Variants in RANBP2 observed in about 807,000 individuals in gnomAD.
RANBP2 encodes the protein E3 SUMO-protein ligase RanBP2.
Under a neutral mutation model 303.6 loss-of-function variants are expected in RANBP2, and 57 were observed. That is an observed-to-expected ratio of 0.19 (90% CI 0.15 to 0.23). The LOEUF (loss-of-function observed/expected upper bound fraction) is 0.23, where lower values mean the gene tolerates loss of function less well. RANBP2 is among the 10% of genes least tolerant of loss of function. The pLI is 1.00. For missense variants in RANBP2, 3,138 were observed against 3,780.8 expected (o/e 0.83, Z 4.46); for synonymous variants, 1,167 against 1,301.5 (o/e 0.90, Z 2.23).
the RANBP2 span, among the ~76,000 whole-genome samples, chr2:109,339,042 C>T: frequency 6.6e-6 from 1 of 152,156 alleles, no homozygotes; most frequent in Non-Finnish European, 1.5e-5. Flanking sequence ...AATGTATTTA[C>T]TACTCATTAA....
chr2:109,325,731 G>A, the RANBP2 span, among the ~76,000 whole-genome samples: 2 of 152,134 alleles, frequency 1.3e-5, no homozygotes, highest in African/African-American at 2.4e-5. Context: ...CATGTTCCTT[G>A]GAATGTCCTG....
chr2:109,710,644 G>T, the RANBP2 span, among the ~76,000 whole-genome samples: 4 of 152,162 alleles, frequency 2.6e-5, no homozygotes, highest in African/African-American at 9.7e-5. Context: ...AAGGTCCTAG[G>T]GGGCAGCCAT....
chr2:109,288,395 C>T, the RANBP2 span, among the ~76,000 whole-genome samples: 1 of 152,130 alleles, frequency 6.6e-6, no homozygotes, highest in Non-Finnish European at 1.5e-5. Flanking sequence ...AAGACCAGTT[C>T]ACAAAGGAGG....
the RANBP2 span, among the ~76,000 whole-genome samples, chr2:109,183,070 C>G: frequency 1.3e-5 from 2 of 152,152 alleles, no homozygotes; most frequent in South Asian, 2.1e-4. Flanking sequence ...GCCACAATGA[C>G]TAATTTATTC....
At chr2:109,513,731 C>T in the RANBP2 span, among the ~76,000 whole-genome samples, 6 of 152,264 alleles carry the variant, frequency 3.9e-5, no homozygotes, top group Middle Eastern at 3.4e-3. Flanking sequence ...AGGTGGGTGC[C>T]CATGGAGGCT....
the RANBP2 span, among the ~76,000 whole-genome samples, chr2:109,424,088 G>T: frequency 6.6e-6 from 1 of 152,206 alleles, no homozygotes; most frequent in Admixed American, 6.5e-5. Context: ...CATTGTCTAG[G>T]CTGGGTTTCC....
chr2:109,162,094 C>G, the RANBP2 span, among the ~76,000 whole-genome samples: 1 of 152,186 alleles, frequency 6.6e-6, no homozygotes, highest in Non-Finnish European at 1.5e-5. Context: ...TGCTGGCTGG[C>G]AGAGACAGGA....
At chr2:109,289,886 G>C in the RANBP2 span, among the ~76,000 whole-genome samples, 2 of 152,194 alleles carry the variant, frequency 1.3e-5, no homozygotes, top group African/African-American at 4.8e-5. Context: ...GTTTGAACCA[G>C]AGGATTGCTG....
chr2:109,586,409 T>C, the RANBP2 span, among the ~76,000 whole-genome samples: 1 of 151,038 alleles, frequency 6.6e-6, no homozygotes, highest in Non-Finnish European at 1.5e-5. Context: ...ATCTAGCTTT[T>C]TCCCTGAAGG....
intron 7 of RANBP2, among the ~76,000 whole-genome samples, chr2:108,741,867 T>G (rs866490842): frequency 7.2e-6 from 1 of 139,760 alleles, no homozygotes; most frequent in Non-Finnish European, 1.5e-5. Flanking sequence ...GGAAAAGAAA[T>G]AAGTAGTCTT....
the RANBP2 span, among the ~76,000 whole-genome samples, chr2:109,207,697 A>G: frequency 1.6e-4 from 24 of 152,186 alleles, no homozygotes; most frequent in African/African-American, 5.8e-4. Context: ...TTCACATGGA[A>G]ACAAAACATT....
chr2:109,526,788 G>A, the RANBP2 span, among the ~76,000 whole-genome samples: 4 of 152,080 alleles, frequency 2.6e-5, no homozygotes, highest in Admixed American at 2.0e-4. Context: ...CCCTTGCCTG[G>A]GACCACCTCA....
the RANBP2 span, among the ~76,000 whole-genome samples, chr2:108,798,852 C>CA: frequency 2.6e-4 from 39 of 150,004 alleles, no homozygotes; most frequent in African/African-American, 3.9e-4. Flanking sequence ...CACACACACA[C>CA]ATTTTTTCTG....
At chr2:109,284,098 C>T in the RANBP2 span, among the ~76,000 whole-genome samples, 2 of 152,266 alleles carry the variant, frequency 1.3e-5, no homozygotes, top group Admixed American at 6.5e-5. Flanking sequence ...CCAGATCCAC[C>T]GTAATGAAAG....
chr2:109,520,070 G>GC, the RANBP2 span, among the ~76,000 whole-genome samples: 1 of 152,176 alleles, frequency 6.6e-6, no homozygotes, highest in African/African-American at 2.4e-5. Flanking sequence ...TCTGAGCAAG[G>GC]CCAATGGATC....
the RANBP2 span, among the ~76,000 whole-genome samples, chr2:108,983,053 C>T: frequency 1.3e-5 from 2 of 152,220 alleles, no homozygotes; most frequent in South Asian, 2.1e-4. Flanking sequence ...AAACCACACT[C>T]TGCAAATCTA....
At chr2:109,686,699 C>T in the RANBP2 span, among the ~76,000 whole-genome samples, 45 of 152,288 alleles carry the variant, frequency 3.0e-4, no homozygotes, top group Admixed American at 2.5e-3. Flanking sequence ...GTAACCTCCA[C>T]CTTCTGGGCT....
the RANBP2 span, among the ~76,000 whole-genome samples, chr2:108,960,073 G>T: frequency 6.6e-6 from 1 of 152,170 alleles, no homozygotes; most frequent in African/African-American, 2.4e-5. Context: ...GGGAAGCTGG[G>T]TGCTGGCCTG....
the RANBP2 span, among the ~76,000 whole-genome samples, chr2:109,362,282 A>G: frequency 6.6e-6 from 1 of 152,098 alleles, no homozygotes; most frequent in African/African-American, 2.4e-5. Context: ...ATTTAGTTCA[A>G]AATATTTTTT....
Sources: allele counts gnomAD v4.1 joint callset (sites outside exome capture counted in the v4.1 genomes callset), GRCh38; gene constraint gnomAD v4.1.1; transcripts MANE v1.5; gene names NCBI Gene and HGNC (gene_info 2026-07-23, HGNC 2026-07-21).